The following PLXDC2 variants were observed in gnomAD, a reference collection of about 807,000 sequenced individuals.
The protein encoded by PLXDC2 is plexin domain-containing protein 2.
In PLXDC2, 40 loss-of-function variants were observed where a neutral mutation model predicts 68.9. The ratio of observed to expected loss-of-function variants is 0.58; its 90% CI spans 0.45 to 0.76. The LOEUF is 0.76. PLXDC2 is among the 30% of genes least tolerant of loss of function. The probability of loss-of-function intolerance (pLI) is 0.00; values close to 1 mark genes in which losing one functional copy is unlikely to be tolerated. For missense variants in PLXDC2, 644 were observed against 661.9 expected (o/e 0.97, Z 0.30); for synonymous variants, 243 against 234.2 (o/e 1.04, Z -0.34).
intron 1 of PLXDC2, among the ~76,000 whole-genome samples, chr10:19,942,569 C>A (rs893019902): frequency 5.3e-5 from 8 of 152,144 alleles, no homozygotes; most frequent in Non-Finnish European, 1.2e-4. Context: ...TCAAGACCAC[C>A]TTGGCCAACA....
chr10:19,838,255 G>C (rs1307904777), intron 1 of PLXDC2, among the ~76,000 whole-genome samples: 4 of 152,066 alleles, frequency 2.6e-5, no homozygotes, highest in African/African-American at 9.7e-5. Flanking sequence ...GAACCACCAT[G>C]CCCGGCTAAT....
chr10:20,042,231 C>T (rs974999807), intron 2 of PLXDC2, among the ~76,000 whole-genome samples: 1 of 152,088 alleles, frequency 6.6e-6, no homozygotes, highest in South Asian at 2.1e-4. Flanking sequence ...GTTATTTCAT[C>T]GTGTCCTTTT....
chr10:19,979,083 G>A (rs1445943122), intron 1 of PLXDC2, among the ~76,000 whole-genome samples: 2 of 152,198 alleles, frequency 1.3e-5, no homozygotes, highest in Non-Finnish European at 1.5e-5. Context: ...TGTTGACACA[G>A]TAGTTCTTTA....
At chr10:20,245,209 A>G in intron 12 of PLXDC2, 136 bp from the exon 13 acceptor site, 2 of 840,438 alleles carry the variant, frequency 2.4e-6, no homozygotes, top group Non-Finnish European at 3.5e-6. Flanking sequence ...CACCTGTAAA[A>G]TTGATGTTGC....
chr10:20,113,630 A>G (rs1287183163), intron 4 of PLXDC2, among the ~76,000 whole-genome samples: 1 of 152,214 alleles, frequency 6.6e-6, no homozygotes, highest in Non-Finnish European at 1.5e-5. Context: ...CTATTTAAAA[A>G]AAAATTTTTT....
At chr10:19,900,261 G>T (rs551865594) in intron 1 of PLXDC2, among the ~76,000 whole-genome samples, 1 of 152,262 alleles carries the variant, frequency 6.6e-6, no homozygotes, top group Non-Finnish European at 1.5e-5. Flanking sequence ...ATCAAGGAGG[G>T]CCTGGGAGAT....
Position 20,287,979 on chromosome 10 carries a change from C to CCGGGGGGGGGGGGG in PLXDC2, c.*8160_*8161insCGGGGGGGGGGGGG, listed in dbSNP as rs1554781439. 1 of 12,398 alleles carries CCGGGGGGGGGGGGG rather than the reference C, an allele frequency of 8.1e-5. No homozygotes were observed. Among genetic ancestry groups the CCGGGGGGGGGGGGG allele is most frequent in the Admixed American group, 7.8e-4 (1 of 1,280 alleles). 0.8% of individuals were successfully genotyped at this position (12,398 alleles called of 1,614,324 possible). Reference sequence around the variant, plus strand: ...AGAAGAAATTGGGCACTTCTTGCGGCGGGGGAGGGGGGGGGGGCGGTGGCT... The same window carrying CCGGGGGGGGGGGGG: ...AGAAGAAATTGGGCACTTCTTGCGGCCGGGGGGGGGGGGGGGGGGAGGGGGGGGGGGCGGTGGCT... On this transcript the variant is annotated 3_prime_UTR_variant, in exon 14 of 14. Coordinates refer to ENST00000377252, the MANE Select transcript of PLXDC2 (RefSeq NM_032812.9).
At chr10:20,240,746 A>T (rs1835503985) in intron 12 of PLXDC2, among the ~76,000 whole-genome samples, 1 of 148,358 alleles carries the variant, frequency 6.7e-6, no homozygotes, top group Admixed American at 6.7e-5. Context: ...AAATAATATG[A>T]GAGTAGAAAA....
chr10:20,200,873 G>A lies in PLXDC2; in HGVS notation c.1062-10796G>A, dbSNP rs150313380. 3.9e-3 allele frequency among the ~76,000 whole-genome samples: 598 copies of A among 152,030 alleles called. 4 individuals are homozygous for A. The highest frequency in any genetic ancestry group is 0.014 in the African/African-American group (580 of 41,504). The stretch of plus-strand genomic sequence containing the variant: ...GTAGCTATCATCAAAAAGATAAAAA[G>A]TAACAAATGCTGCTGACAAGGACAT... On this transcript the variant is annotated intron_variant, in intron 9 of 13. Coordinates refer to ENST00000377252, the MANE Select transcript of PLXDC2 (RefSeq NM_032812.9).
intron 1 of PLXDC2, among the ~76,000 whole-genome samples, chr10:19,997,126 G>A (rs1482276213): frequency 1.3e-5 from 2 of 152,160 alleles, no homozygotes; most frequent in East Asian, 1.9e-4. Flanking sequence ...CAACTCCTTA[G>A]TATCTCTGAA....
intron 1 of PLXDC2, among the ~76,000 whole-genome samples, chr10:19,893,192 A>T (rs1334613649): frequency 2.0e-5 from 3 of 152,152 alleles, no homozygotes; most frequent in Admixed American, 2.0e-4. Flanking sequence ...ACAAGCACAC[A>T]TTTAGCTAGG....
At chr10:20,083,126 G>C (rs371906994) in intron 4 of PLXDC2, among the ~76,000 whole-genome samples, 4 of 152,136 alleles carry the variant, frequency 2.6e-5, no homozygotes, top group African/African-American at 9.7e-5. Context: ...CAGATGGCTG[G>C]AGATCAGGAG....
chr10:20,258,997 T>G (rs11011918), intron 13 of PLXDC2, among the ~76,000 whole-genome samples: 40,705 of 144,858 alleles, frequency 0.28, 6,315 homozygotes, highest in African/African-American at 0.42. Context: ...GACAGAGCGA[T>G]ACTCCGTCTC....
At chr10:20,263,863 C>T (rs1403689317) in intron 13 of PLXDC2, among the ~76,000 whole-genome samples, 1 of 152,086 alleles carries the variant, frequency 6.6e-6, no homozygotes, top group African/African-American at 2.4e-5. Context: ...CCTTTTTGCA[C>T]TGTTTGTGGG....
In PLXDC2 at chr10:19,925,475, A is replaced by T. The variant is rs544345587; in HGVS notation, c.113-76300A>T. Among the ~76,000 whole-genome samples the T allele has an allele frequency of 7.9e-5, 12 of 152,348 alleles. No individual in the cohort carries two copies. In the South Asian group the frequency reaches 2.5e-3, roughly 32 times the overall value. On this transcript the variant is annotated intron_variant, in intron 1 of 13. Transcript: ENST00000377252. ...TATGTTTTTAGCAATTAACATTTGC[A>T]TTCATATCTTTGAAAATAAGGCCAC...
At chr10:20,239,970 G>A (rs957939330) in intron 12 of PLXDC2, among the ~76,000 whole-genome samples, 11 of 152,090 alleles carry the variant, frequency 7.2e-5, no homozygotes, top group Non-Finnish European at 1.6e-4. Flanking sequence ...TACCTGTGTA[G>A]GTTTGTTTTA....
intron 9 of PLXDC2, among the ~76,000 whole-genome samples, chr10:20,210,693 A>C (rs1835057917): frequency 6.6e-6 from 1 of 152,200 alleles, no homozygotes; most frequent in Admixed American, 6.5e-5. Context: ...TGCCACAGGA[A>C]AAAGAGATGA....
At chr10:19,968,856 C>T (rs1267778773) in intron 1 of PLXDC2, among the ~76,000 whole-genome samples, 1 of 152,118 alleles carries the variant, frequency 6.6e-6, no homozygotes, top group Non-Finnish European at 1.5e-5. Context: ...AACCCAGTGT[C>T]AGACCAGTAA....
intron 7 of PLXDC2, among the ~76,000 whole-genome samples, chr10:20,167,888 A>G (rs1834395721): frequency 6.6e-6 from 1 of 152,158 alleles, no homozygotes; most frequent in South Asian, 2.1e-4. Flanking sequence ...ATTTATTATT[A>G]AAATTTCTCC....
Sources: gnomAD v4.1 joint callset for allele counts (sites outside exome capture counted in the v4.1 genomes callset) on GRCh38, gnomAD v4.1.1 for gene constraint, MANE v1.5 for transcripts, NCBI Gene and HGNC (gene_info 2026-07-23, HGNC 2026-07-21) for gene names.